Variants in MILR1 observed in about 807,000 individuals in gnomAD.
MILR1 encodes the protein mast cell immunoglobulin like receptor 1.
A neutral mutation model predicts 18.5 loss-of-function variants in MILR1; 31 were observed. That is an observed-to-expected ratio of 1.68 (90% CI 1.26 to 2.26). The LOEUF is 2.26. MILR1 is among the 30% of genes most tolerant of loss of function. The pLI, the probability that MILR1 is intolerant of heterozygous loss-of-function variation, is 0.00. For missense variants in MILR1, 257 were observed against 157.4 expected (o/e 1.63, Z -3.38); for synonymous variants, 85 against 56.2 (o/e 1.51, Z -2.30).
downstream of MILR1, among the ~76,000 whole-genome samples, chr17:64,469,077 A>T (rs1598108771): frequency 6.6e-6 from 1 of 151,876 alleles, no homozygotes; most frequent in African/African-American, 2.4e-5. Context: ...ACAGAGTGAG[A>T]CCCTGTGTTA....
At chr17:64,458,450 C>T (rs939767609) in intron 4 of MILR1, among the ~76,000 whole-genome samples, 152 of 151,926 alleles carry the variant, frequency 1.0e-3, no homozygotes, top group Non-Finnish European at 1.1e-3. Context: ...TGGCCCCAAG[C>T]GATCTGCCCA....
At chr17:64,496,977 G>T in the MILR1 span, 1 of 1,601,290 alleles carries the variant, frequency 6.2e-7, no homozygotes. Flanking sequence ...ATCTCTCTCC[G>T]AAGTTAAAGA....
chr17:64,455,851 C>A (rs1370988866), intron 3 of MILR1, among the ~76,000 whole-genome samples: 8 of 151,902 alleles, frequency 5.3e-5, no homozygotes, highest in African/African-American at 1.7e-4. Flanking sequence ...ACCAGTCTGG[C>A]CAACATGGTG....
At chr17:64,472,500 ATAAC>A (rs1341682650), downstream of MILR1, among the ~76,000 whole-genome samples, 20 of 145,408 alleles carry the variant, frequency 1.4e-4, no homozygotes, top group Non-Finnish European at 2.6e-4. Context: ...AAAAAAAAGA[ATAAC>A]TAGGGAGAAA....
the MILR1 span, among the ~76,000 whole-genome samples, chr17:64,489,028 C>CT: frequency 0.029 from 4,012 of 136,420 alleles, 51 homozygotes; most frequent in African/African-American, 0.038. Flanking sequence ...TTTTCTTTTT[C>CT]TTTTTTTTTT....
chr17:64,466,708 T>A (rs1044291653), intron 8 of MILR1, 46 bp downstream of exon 8: 2 of 1,482,718 alleles, frequency 1.3e-6, no homozygotes, highest in Non-Finnish European at 1.9e-6. Flanking sequence ...ATGAGACAGG[T>A]GGTCCCTCTG....
At chr17:64,465,598 G>C in intron 6 of MILR1, 57 bp downstream of exon 6, 3 of 1,543,700 alleles carry the variant, frequency 1.9e-6, no homozygotes, top group Non-Finnish European at 8.8e-7. Context: ...TTTTTATTTT[G>C]TTAAGGTTGT....
chr17:64,461,409 A>G (rs1191211442), intron 5 of MILR1, among the ~76,000 whole-genome samples: 5 of 151,716 alleles, frequency 3.3e-5, no homozygotes, highest in African/African-American at 1.2e-4. Flanking sequence ...CACCATACCC[A>G]GCTAATTTTT....
the MILR1 span, among the ~76,000 whole-genome samples, chr17:64,486,463 G>A: frequency 6.5e-4 from 98 of 151,910 alleles, no homozygotes; most frequent in African/African-American, 2.2e-3. Context: ...CCGGGTTCAA[G>A]TGATTCTCTT....
At chr17:64,489,698 A>C in the MILR1 span, among the ~76,000 whole-genome samples, 1 of 152,026 alleles carries the variant, frequency 6.6e-6, no homozygotes, top group Non-Finnish European at 1.5e-5. Flanking sequence ...TTGAGGTTGC[A>C]GTGAGCTATC....
downstream of MILR1, chr17:64,468,677 T>A: frequency 9.3e-7 from 1 of 1,075,062 alleles, no homozygotes; most frequent in Non-Finnish European, 1.1e-6. Flanking sequence ...TTCAATATTC[T>A]GCTCACACCT....
chr17:64,480,499 T>C, the MILR1 span: 1 of 552,782 alleles, frequency 1.8e-6, no homozygotes, highest in Non-Finnish European at 3.5e-6. Context: ...AAAATGGGTA[T>C]GTTTCTTTAA....
At chr17:64,495,713 ATTTTT>A in the MILR1 span, among the ~76,000 whole-genome samples, 10 of 147,924 alleles carry the variant, frequency 6.8e-5, no homozygotes, top group Non-Finnish European at 3.0e-5. Context: ...AACTATTTGA[ATTTTT>A]TTTTTTTAAG....
rs2037108626 is a variant in MILR1, at chr17:64,449,136, CT to C, written c.-31del. On this transcript the variant is annotated 5_prime_UTR_variant, in exon 1 of 10. Coordinates refer to ENST00000619286, the MANE Select transcript of MILR1 (RefSeq NM_001085423.2). ...ACTCACCACTGTGGTTCTACTATGCCTTCTGACCCCGTCTTGGACTTCAACT... is the reference window on the plus strand; with the variant it reads ...ACTCACCACTGTGGTTCTACTATGCCTCTGACCCCGTCTTGGACTTCAACT... 2 of 460,868 alleles carry C rather than the reference CT, an allele frequency of 4.3e-6. No homozygotes were observed. The highest frequency in any genetic ancestry group is 1.6e-4 in the South Asian group (2 of 12,442). 28.5% of individuals were successfully genotyped at this position (460,868 alleles called of 1,614,324 possible).
At chr17:64,493,391 T>A in the MILR1 span, among the ~76,000 whole-genome samples, 2 of 152,048 alleles carry the variant, frequency 1.3e-5, no homozygotes, top group South Asian at 4.1e-4. Flanking sequence ...TGCTCCAGCC[T>A]GGGCAACAGA....
intron 2 of MILR1, among the ~76,000 whole-genome samples, chr17:64,450,109 T>G (rs2143990704): frequency 6.6e-6 from 1 of 151,992 alleles, no homozygotes; most frequent in Non-Finnish European, 1.5e-5. Flanking sequence ...TGGCTAATGT[T>G]TTGTATTTTT....
downstream of MILR1, among the ~76,000 whole-genome samples, chr17:64,470,932 C>T (rs1393109987): frequency 6.6e-6 from 1 of 152,186 alleles, no homozygotes; most frequent in Non-Finnish European, 1.5e-5. Flanking sequence ...ACTAGTGCCT[C>T]ATTTCTTTCT....
intron 4 of MILR1, among the ~76,000 whole-genome samples, chr17:64,458,337 T>A (rs2037348831): frequency 6.6e-6 from 1 of 151,898 alleles, no homozygotes; most frequent in Non-Finnish European, 1.5e-5. Flanking sequence ...CTCAGCCTCC[T>A]GAGTAGCTGG....
At chr17:64,490,893 T>C in the MILR1 span, 9 of 1,613,830 alleles carry the variant, frequency 5.6e-6, no homozygotes, top group Admixed American at 1.7e-5. Flanking sequence ...GGGAAAATTG[T>C]AGTAAAGTTT....
Sources: gnomAD v4.1 joint callset for allele counts (sites outside exome capture counted in the v4.1 genomes callset) on GRCh38, gnomAD v4.1.1 for gene constraint, MANE v1.5 for transcripts, NCBI Gene and HGNC (gene_info 2026-07-23, HGNC 2026-07-21) for gene names.